The following INVS variants were observed in gnomAD, a reference collection of about 807,000 sequenced individuals.
INVS encodes inversin.
A neutral mutation model predicts 108.8 loss-of-function variants in INVS; 86 were observed. The ratio of observed to expected loss-of-function variants is 0.79; its 90% CI spans 0.66 to 0.95. INVS has a LOEUF of 0.95. Among genes scored for constraint, INVS ranks in the 40% least tolerant of loss-of-function variants. The probability of loss-of-function intolerance (pLI) is 0.00; values close to 1 mark genes in which losing one functional copy is unlikely to be tolerated. For synonymous variants in INVS, 455 were observed against 473.5 expected, an observed-to-expected ratio of 0.96 and a Z score of 0.51; for missense variants, 1,169 against 1,297.4, an observed-to-expected ratio of 0.90 and a Z score of 1.52.
rs2491097 is a variant in INVS, at chr9:100,240,169, C to T, written c.725C>T (p.Ser242Leu). ...GTGACCGTGGTTGATGTCTTGACCT[C>T]ATATGAAAGCTGCAATATAACGTCT... ...GNVTVVDVLT[S>L]YESCNITSYD... The change falls in exon 6 of 17, where the codon TCA (serine) becomes TTA (leucine). Residue 242 changes from serine (S) to leucine (L), a missense_variant. This residue lies in a region of INVS where 365 missense variants were observed against 397.5 expected (regional missense o/e 0.92). Transcript: ENST00000262457. 5.6e-3 allele frequency: 9,067 copies of T among 1,613,908 alleles called. 42 individuals are homozygous for T. Among genetic ancestry groups the T allele is most frequent in the Non-Finnish European group, 6.5e-3 (7,682 of 1,179,844 alleles).
chr9:100,194,334 A>G (rs942059919), intron 3 of INVS, among the ~76,000 whole-genome samples: 17 of 152,172 alleles, frequency 1.1e-4, no homozygotes, highest in African/African-American at 4.1e-4. Context: ...TCTAATGACA[A>G]ATGATGCTGA....
At chr9:100,209,288 AGGT>A (rs1564159229) in intron 3 of INVS, among the ~76,000 whole-genome samples, 2 of 152,236 alleles carry the variant, frequency 1.3e-5, no homozygotes, top group Non-Finnish European at 2.9e-5. Flanking sequence ...TATAGGGAGC[AGGT>A]CTTCTGCCTT....
rs1832259440 is a variant in INVS, at chr9:100,252,253, G to A, written c.1079-30G>A. ...TAAAAGGTGAAGTTGTTATTGACTA[G>A]TTCATCACTTTCTGTTGGTTCCCTT... On this transcript the variant is annotated intron_variant, in intron 8 of 16. Transcript: ENST00000262457. 3 of 1,612,102 alleles carry A rather than the reference G, an allele frequency of 1.9e-6. No homozygotes were observed. The East Asian group carries it at 6.7e-5, about 36-fold the overall frequency.
chr9:100,179,763 G>C (rs1354550212), intron 3 of INVS, among the ~76,000 whole-genome samples: 1 of 152,094 alleles, frequency 6.6e-6, no homozygotes, highest in Non-Finnish European at 1.5e-5. Context: ...GAATATTCAG[G>C]ACTTGAACTC....
At chr9:100,116,920 C>G (rs1220696700) in intron 2 of INVS, 4 of 1,405,096 alleles carry the variant, frequency 2.8e-6, no homozygotes, top group Non-Finnish European at 3.0e-6. Flanking sequence ...CAAAGGTGGC[C>G]TTGGCGAAGT....
At chr9:100,135,991 A>G (rs943425696) in intron 3 of INVS, among the ~76,000 whole-genome samples, 2 of 152,030 alleles carry the variant, frequency 1.3e-5, no homozygotes, top group African/African-American at 4.8e-5. Flanking sequence ...GGTTTCAAGC[A>G]GAAGAGGATC....
Position 100,292,674 on chromosome 9 carries a change from C to T in INVS, c.2417C>T (p.Ala806Val), listed in dbSNP as rs201824415. 5.0e-5 allele frequency: 80 copies of T among 1,614,174 alleles called. No homozygotes were observed. The highest frequency in any genetic ancestry group is 6.6e-5 in the Non-Finnish European group (78 of 1,180,026). ...QELRGGRCSP[A>V]GSSRPGSARG... ...CTCAGAGGAGGAAGGTGCTCTCCGGCTGGTTCTAGCCGCCCTGGCAGTGCC... is the reference window on the plus strand; with the variant it reads ...CTCAGAGGAGGAAGGTGCTCTCCGGTTGGTTCTAGCCGCCCTGGCAGTGCC... The change falls in exon 14 of 17, where the codon GCT becomes GTT. Residue 806 changes from alanine (A) to valine (V), a missense_variant. Coordinates refer to ENST00000262457, the MANE Select transcript of INVS (RefSeq NM_014425.5).
chr9:100,173,544 A>G lies in INVS; in HGVS notation c.273+46995A>G, dbSNP rs371517588. ...GGAGTTCGAGACTAGCCTGGCCAAC[A>G]TGGTGAAACCCCGTCTCTACTAAAA... On this transcript the variant is annotated intron_variant, in intron 3 of 16. Transcript: ENST00000262457. 1.1e-3 allele frequency among the ~76,000 whole-genome samples: 162 copies of G among 152,244 alleles called. 3 individuals carry two copies. The South Asian group carries it at 0.029, about 27-fold the overall frequency.
At chr9:100,175,256 G>A (rs1829672721) in intron 3 of INVS, 3 of 631,390 alleles carry the variant, frequency 4.8e-6, no homozygotes, top group East Asian at 5.8e-5. Flanking sequence ...GCCAATGTCT[G>A]TGATTTGTGG....
rs1464403012 is a variant in INVS, at chr9:100,255,756, G to T, written c.1464+2620G>T. On this transcript the variant is annotated intron_variant, in intron 10 of 16. Coordinates refer to ENST00000262457, the MANE Select transcript of INVS (RefSeq NM_014425.5). Reference sequence around the variant, plus strand: ...TGTTGAACCAGCCTTGCATCCCAGGGATGAAGCCCACTTGATCATGGTGGA... The same window carrying T: ...TGTTGAACCAGCCTTGCATCCCAGGTATGAAGCCCACTTGATCATGGTGGA... Among the ~76,000 whole-genome samples, 3 of 152,162 alleles carry T rather than the reference G, an allele frequency of 2.0e-5. No homozygotes were observed. The East Asian group carries it at 5.8e-4, about 29-fold the overall frequency.
chr9:100,145,138 A>G (rs534315764), intron 3 of INVS, among the ~76,000 whole-genome samples: 1 of 152,224 alleles, frequency 6.6e-6, no homozygotes, highest in Non-Finnish European at 1.5e-5. Context: ...TCTTGAGAAC[A>G]CAGGCTAAGG....
chr9:100,188,216 G>A (rs994428807), intron 3 of INVS, among the ~76,000 whole-genome samples: 1 of 152,058 alleles, frequency 6.6e-6, no homozygotes, highest in African/African-American at 2.4e-5. Flanking sequence ...GTACTATGCT[G>A]AATAGAAATG....
At chr9:100,149,195 C>T (rs755121614) in intron 3 of INVS, among the ~76,000 whole-genome samples, 17 of 152,136 alleles carry the variant, frequency 1.1e-4, no homozygotes, top group Non-Finnish European at 2.2e-4. Flanking sequence ...GCCCATTCTA[C>T]CACAAGCTAT....
chr9:100,176,825 A>G (rs559210985), intron 3 of INVS, among the ~76,000 whole-genome samples: 1 of 152,102 alleles, frequency 6.6e-6, no homozygotes, highest in Admixed American at 6.6e-5. Context: ...AAGCTGTAAC[A>G]TACTTCACTG....
intron 3 of INVS, among the ~76,000 whole-genome samples, chr9:100,218,077 ATATAT>A (rs1323875508): frequency 6.7e-6 from 1 of 150,348 alleles, no homozygotes; most frequent in African/African-American, 2.4e-5. Flanking sequence ...TGGGTATATA[ATATAT>A]TTAGGATTTA....
chr9:100,127,775 G>A (rs543558546), intron 3 of INVS, among the ~76,000 whole-genome samples: 63 of 152,062 alleles, frequency 4.1e-4, no homozygotes, highest in African/African-American at 1.3e-3. Context: ...CTTGAATTTG[G>A]TTTTTATTAT....
In INVS at chr9:100,164,046, G is replaced by A. The variant is rs149769990; in HGVS notation, c.273+37497G>A. Among the ~76,000 whole-genome samples, 306 of 152,328 alleles carry A rather than the reference G, an allele frequency of 2.0e-3. 1 individual carries two copies. Among genetic ancestry groups the A allele is most frequent in the African/African-American group, 7.1e-3 (295 of 41,586 alleles). On this transcript the variant is annotated intron_variant, in intron 3 of 16. Transcript: ENST00000262457. ...ACTAATTAGGAAGCTGAGAGTTGAT[G>A]TTGGCTTGGACCAGAATGGTAGTGG...
chr9:100,124,160 T>A (rs1247314793), intron 2 of INVS, among the ~76,000 whole-genome samples: 1 of 143,400 alleles, frequency 7.0e-6, no homozygotes, highest in Non-Finnish European at 1.5e-5. Flanking sequence ...TCATTGGAGG[T>A]TTTTTATTTG....
At position 100,302,170 on chromosome 9, in the gene INVS, AC is replaced by A. The variant is rs766640928; in HGVS notation, c.*1497del. 1.0e-3 allele frequency: 1,454 copies of A among 1,402,826 alleles called. 2 individuals are homozygous for A. The highest frequency in any genetic ancestry group is 1.3e-3 in the Non-Finnish European group (1,341 of 1,022,992). 86.9% of individuals were successfully genotyped at this position (1,402,826 alleles called of 1,614,324 possible). ...GATAGATGTGAATAAACAACTTCAAACAGGAGGTACTATGGCCTCTTCAATA... is the reference window on the plus strand; with the variant it reads ...GATAGATGTGAATAAACAACTTCAAAAGGAGGTACTATGGCCTCTTCAATA... On this transcript the variant is annotated 3_prime_UTR_variant, in exon 17 of 17. Transcript: ENST00000262457.
Sources: gnomAD v4.1 joint callset for allele counts (sites outside exome capture counted in the v4.1 genomes callset) on GRCh38, gnomAD v4.1.1 for gene constraint, gnomAD v4.1.1 regional missense constraint, MANE v1.5 for transcripts, NCBI Gene and HGNC (gene_info 2026-07-23, HGNC 2026-07-21) for gene names.